LAMC3: variants seen among roughly 807,000 people sequenced by gnomAD.
LAMC3 encodes laminin subunit gamma-3.
LAMC3 carries 128 observed loss-of-function variants against 173.8 expected under a neutral mutation model. The ratio of observed to expected loss-of-function variants is 0.74; its 90% confidence interval spans 0.64 to 0.85. LAMC3 has a LOEUF of 0.85. LAMC3 is among the 40% of genes least tolerant of loss of function. The pLI, the probability that LAMC3 is intolerant of heterozygous loss-of-function variation, is 0.00. For missense variants in LAMC3, 2,022 were observed against 2,156.0 expected (o/e 0.94, Z 1.23); for synonymous variants, 897 against 909.1 (o/e 0.99, Z 0.24).
At chr9:131,010,760 A>G (rs1833401409) in intron 1 of LAMC3, among the ~76,000 whole-genome samples, 1 of 152,234 alleles carries the variant, frequency 6.6e-6, no homozygotes, top group African/African-American at 2.4e-5. Flanking sequence ...TGCCCTGCTC[A>G]TGACTTGCCG....
chr9:131,028,914 C>T (rs1833778077), intron 2 of LAMC3, among the ~76,000 whole-genome samples: 1 of 152,266 alleles, frequency 6.6e-6, no homozygotes, highest in Non-Finnish European at 1.5e-5. Context: ...CCTCCCACCT[C>T]AGCCTCCCAA....
intron 3 of LAMC3, among the ~76,000 whole-genome samples, chr9:131,032,582 T>TCTCTCTTGCTCTCTCTC (rs1833856324): frequency 1.7e-5 from 1 of 60,588 alleles, no homozygotes; most frequent in Admixed American, 1.8e-4. Flanking sequence ...CTCTCTCGCT[T>TCTCTCTTGCTCTCTCTC]GCTCTCTTTC....
At chr9:131,079,074 C>A in intron 22 of LAMC3, 75 bp from the exon 23 acceptor site, 1 of 1,544,360 alleles carries the variant, frequency 6.5e-7, no homozygotes, top group Non-Finnish European at 8.8e-7. Flanking sequence ...CCCAGCAGGG[C>A]ACCTCCCCCA....
At position 131,067,999 on chromosome 9, in the gene LAMC3, C is replaced by T. The variant is rs559984902; in HGVS notation, c.2594-79C>T. 50 of 1,492,182 alleles carry T rather than the reference C, an allele frequency of 3.4e-5. 2 individuals carry two copies. In the South Asian group the frequency reaches 4.8e-4, roughly 14 times the overall value. 92.4% of individuals were successfully genotyped at this position (1,492,182 alleles called of 1,614,324 possible). A position where few individuals can be genotyped will look rare whatever the true frequency, so the allele number is the denominator to read the frequency against. On this transcript the variant is annotated intron_variant, in intron 14 of 27. Transcript: ENST00000361069. The stretch of plus-strand genomic sequence containing the variant: ...TCATCTCTGGAGGCTCCCCCATCTC[C>T]TCTGCCTCTGTTGGACCCCCAAAGT...
intron 12 of LAMC3, among the ~76,000 whole-genome samples, chr9:131,059,519 A>AAAAG (rs60057885): frequency 8.0e-6 from 1 of 124,728 alleles, no homozygotes; most frequent in African/African-American, 2.9e-5. Flanking sequence ...AAAAAAAAAA[A>AAAAG]GACGTCAGCT....
chr9:131,078,141 G>A (rs181329359), intron 22 of LAMC3, among the ~76,000 whole-genome samples: 1 of 152,130 alleles, frequency 6.6e-6, no homozygotes, highest in South Asian at 2.1e-4. Flanking sequence ...CATGAACCGG[G>A]TCCATCGTGT....
intron 12 of LAMC3, 118 bp from the exon 13 acceptor site, chr9:131,060,917 C>T: frequency 2.0e-6 from 2 of 1,006,590 alleles, no homozygotes; most frequent in Non-Finnish European, 3.1e-6. Flanking sequence ...CTGCCTCTGC[C>T]TGGGAAAGGT....
At chr9:131,068,350 C>A in intron 15 of LAMC3, 119 bp downstream of exon 15, 2 of 1,040,340 alleles carry the variant, frequency 1.9e-6, no homozygotes, top group Non-Finnish European at 2.8e-6. Context: ...CTGCCAGGCA[C>A]ATTGTGCCCT....
At chr9:131,041,549 A>G in intron 6 of LAMC3, 88 bp from the exon 7 acceptor site, 1 of 1,148,078 alleles carries the variant, frequency 8.7e-7, no homozygotes, top group African/African-American at 1.5e-5. Flanking sequence ...TGATGTTGGC[A>G]GCAGGGAAAG....
rs1268185118 is a variant in LAMC3 at position 131,036,198 on chromosome 9, G to A, written c.842G>A (p.Gly281Asp). The stretch of plus-strand genomic sequence containing the variant: ...TGCAACGGGCATGCCAGCGAGTGCG[G>A]CCCCGACGTGGCAGGCCAGTTGGCC... ...CKCNGHASEC[G>D]PDVAGQLACR... The change falls in exon 4 of 28, where the codon GGC (glycine) becomes GAC (aspartate). Residue 281 changes from glycine to aspartate, a missense_variant. Physicochemically the swap from Gly to Asp is moderately conservative, Grantham distance 94. Coordinates refer to ENST00000361069, the MANE Select transcript of LAMC3 (RefSeq NM_006059.4). The A allele has an allele frequency of 6.2e-7, 1 of 1,613,126 alleles. No individual in the cohort carries two copies. The highest frequency in any genetic ancestry group is 8.5e-7 in the Non-Finnish European group (1 of 1,179,894).
At chr9:131,040,350 G>A (rs986490465) in intron 6 of LAMC3, among the ~76,000 whole-genome samples, 1 of 151,934 alleles carries the variant, frequency 6.6e-6, no homozygotes, top group Non-Finnish European at 1.5e-5. Flanking sequence ...GCTAATTTTT[G>A]TATTTTTTGG....
Position 131,069,696 on chromosome 9 carries a change from C to A in LAMC3, c.2915C>A (p.Ala972Asp). ...GCCTGCAGGTGCTCCCCACTGGGCG[C>A]TGCCTCGGCCCAGTGCCACGAGAAC... The part of the protein sequence containing the change: ...CRACRCSPLG[A>D]ASAQCHENGT... Residue 972 changes from alanine to aspartate, a missense_variant, in exon 17 of 28, where the codon GCT becomes GAT. Ala to Asp is a moderately radical substitution (Grantham distance 126). Transcript: ENST00000361069. 1 of 1,604,088 alleles carries A rather than the reference C, an allele frequency of 6.2e-7. No homozygotes were observed. The highest frequency in any genetic ancestry group is 8.5e-7 in the Non-Finnish European group (1 of 1,176,646).
intron 12 of LAMC3, among the ~76,000 whole-genome samples, chr9:131,060,517 G>T (rs981299064): frequency 6.6e-6 from 1 of 151,930 alleles, no homozygotes; most frequent in Non-Finnish European, 1.5e-5. Flanking sequence ...GGTGACGCAC[G>T]CCTGTAACCC....
intron 3 of LAMC3, among the ~76,000 whole-genome samples, chr9:131,032,789 C>T (rs1232174531): frequency 6.6e-6 from 1 of 152,220 alleles, no homozygotes; most frequent in Non-Finnish European, 1.5e-5. Context: ...CTGTCTCAGC[C>T]TCCCAAGTAG....
chr9:131,037,351 C>T lies in LAMC3; in HGVS notation c.976+1019C>T, dbSNP rs543947261. Reference sequence around the variant, plus strand: ...CCCTCACCCGCAGCTGAGACAGCCCCGAGCCCTGAATTCCGCCTCATCCAC... The same window carrying T: ...CCCTCACCCGCAGCTGAGACAGCCCTGAGCCCTGAATTCCGCCTCATCCAC... On this transcript the variant is annotated intron_variant, in intron 4 of 27. Transcript: ENST00000361069. Among the ~76,000 whole-genome samples the T allele has an allele frequency of 7.9e-5, 12 of 152,298 alleles. No homozygotes were observed. The South Asian group carries it at 1.7e-3, about 21-fold the overall frequency.
In LAMC3 at chr9:131,092,468, C is replaced by G. The variant is rs958253438; in HGVS notation, c.*681C>G. 6.5e-6 allele frequency: 1 copy of G among 153,308 alleles called. No individual in the cohort carries two copies. The highest frequency in any genetic ancestry group is 2.4e-5 in the African/African-American group (1 of 41,460). The allele number at this position is 153,308 out of a possible 1,614,324, so 9.5% of individuals were successfully genotyped here. ...GCAGCAGAATCTGAGGCCCAGAGAC[C>G]CTGAGGCCGTGGCCAGGCCTGCTAG... On this transcript the variant is annotated 3_prime_UTR_variant, in exon 28 of 28. Transcript: ENST00000361069.
intron 24 of LAMC3, among the ~76,000 whole-genome samples, chr9:131,085,012 C>CA (rs1830306253): frequency 1.3e-5 from 2 of 151,776 alleles, no homozygotes; most frequent in Admixed American, 1.3e-4. Flanking sequence ...AGTGGTCAAT[C>CA]AAACATTTGG....
intron 1 of LAMC3, among the ~76,000 whole-genome samples, chr9:131,010,769 C>G (rs368009137): frequency 1.1e-4 from 17 of 152,352 alleles, no homozygotes; most frequent in African/African-American, 4.1e-4. Context: ...CATGACTTGC[C>G]GAGGTGCAGA....
intron 2 of LAMC3, among the ~76,000 whole-genome samples, chr9:131,031,497 C>G (rs1459387997): frequency 1.3e-5 from 2 of 152,198 alleles, no homozygotes; most frequent in Non-Finnish European, 2.9e-5. Flanking sequence ...GAGCCTGACC[C>G]TCAGCATGTG....
Sources: gnomAD v4.1 joint callset for allele counts (sites outside exome capture counted in the v4.1 genomes callset) on GRCh38, gnomAD v4.1.1 for gene constraint, MANE v1.5 for transcripts, NCBI Gene and HGNC (gene_info 2026-07-23, HGNC 2026-07-21) for gene names.